The following CUBN variants were observed in gnomAD, a reference collection of about 807,000 sequenced individuals.
The protein encoded by CUBN is cubilin.
A neutral mutation model predicts 405.3 loss-of-function variants in CUBN; 282 were observed. The observed-to-expected ratio is 0.70, with a 90% CI of 0.63 to 0.77. CUBN has a LOEUF of 0.77. Among genes scored for constraint, CUBN ranks in the 30% least tolerant of loss-of-function variants. The pLI is 0.00. For synonymous variants in CUBN, 1,684 were observed against 1,617.0 expected (o/e 1.04, Z -0.99); for missense variants, 4,514 against 4,475.2 (o/e 1.01, Z -0.25).
Position 17,045,171 on chromosome 10 carries a change from T to C in CUBN, c.3508A>G (p.Thr1170Ala). 6.2e-7 allele frequency: 1 copy of C among 1,613,546 alleles called. No individual in the cohort carries two copies. ...GATATGAACGTGCCGCTTGAAGTGG[T>C]GAGATTACCCCCGCAACCTACAGGA... ...GSSTGCGGNL[T>A]TSSGTFISPN... Residue 1170 changes from threonine to alanine, a missense_variant, in exon 25 of 67, where the codon ACC becomes GCC. Coordinates refer to ENST00000377833, the MANE Select transcript of CUBN (RefSeq NM_001081.4).
intron 17 of CUBN, among the ~76,000 whole-genome samples, chr10:17,074,840 T>C (rs1196009986): frequency 3.9e-5 from 6 of 152,152 alleles, no homozygotes; most frequent in African/African-American, 1.4e-4. Flanking sequence ...TATTTTTAAA[T>C]ATAATGTGTC....
At chr10:17,046,273 A>T (rs2271689) in intron 23 of CUBN, among the ~76,000 whole-genome samples, 179 bp from the exon 24 acceptor site, 2 of 152,070 alleles carry the variant, frequency 1.3e-5, no homozygotes, top group East Asian at 3.8e-4. Flanking sequence ...TTTAAAAATC[A>T]TATTTGAATG....
Position 17,043,830 on chromosome 10 carries a change from G to A in CUBN, c.3826C>T (p.Gln1276Ter). The A allele has an allele frequency of 6.2e-7, 1 of 1,612,858 alleles. No homozygotes were observed. The highest frequency in any genetic ancestry group is 8.5e-7 in the Non-Finnish European group (1 of 1,179,242). Residue 1276 changes from glutamine to a stop codon, truncating the protein, a stop_gained, in exon 26 of 67, where the codon CAG (glutamine) becomes TAG (stop). Coordinates refer to ENST00000377833, the MANE Select transcript of CUBN (RefSeq NM_001081.4). LOFTEE classifies it high-confidence loss of function. ...CTCTGCCGGTATTCACACTTACTCT[G>A]CCGGTATTCAGCCTTGAAGCCACGT... ...QGRGFKAEYR[Q>*]TCENVVIVNQ...
intron 54 of CUBN, 135 bp from the exon 55 acceptor site, chr10:16,890,662 G>T: frequency 1.1e-6 from 1 of 884,468 alleles, no homozygotes; most frequent in Non-Finnish European, 1.9e-6. Flanking sequence ...GGACAAATCT[G>T]TAGTATTTTC....
chr10:17,103,094 T>C, intron 13 of CUBN, 31 bp downstream of exon 13: 1 of 1,131,464 alleles, frequency 8.8e-7, no homozygotes, highest in Non-Finnish European at 1.3e-6. Context: ...ACAAATATAA[T>C]ATGCATTTGG....
At chr10:16,892,286 G>A (rs1367470634) in intron 54 of CUBN, among the ~76,000 whole-genome samples, 1 of 152,010 alleles carries the variant, frequency 6.6e-6, no homozygotes, top group Non-Finnish European at 1.5e-5. Flanking sequence ...TGGACCTACT[G>A]AGAACAAAAG....
intron 22 of CUBN, among the ~76,000 whole-genome samples, chr10:17,053,535 C>T (rs1045587562): frequency 1.3e-5 from 2 of 151,770 alleles, no homozygotes; most frequent in African/African-American, 2.4e-5. Flanking sequence ...CATAATAATC[C>T]TAAATGTGCA....
At chr10:17,068,458 G>A in intron 20 of CUBN, 147 bp downstream of exon 20, 2 of 936,680 alleles carry the variant, frequency 2.1e-6, no homozygotes, top group Non-Finnish European at 3.2e-6. Context: ...TGATATAAAT[G>A]TTGATTAGAA....
At chr10:17,049,580 T>C (rs1381799976) in intron 22 of CUBN, among the ~76,000 whole-genome samples, 3 of 152,234 alleles carry the variant, frequency 2.0e-5, no homozygotes, top group Middle Eastern at 3.2e-3. Flanking sequence ...GGTGGGAGTC[T>C]GTTAATCTGT....
At chr10:17,095,655 G>T (rs1836357444) in intron 14 of CUBN, among the ~76,000 whole-genome samples, 1 of 151,918 alleles carries the variant, frequency 6.6e-6, no homozygotes, top group South Asian at 2.1e-4. Flanking sequence ...AAAGTATACT[G>T]GTACAGCCAT....
intron 59 of CUBN, among the ~76,000 whole-genome samples, chr10:16,869,009 G>A (rs1006212069): frequency 6.6e-6 from 1 of 151,944 alleles, no homozygotes; most frequent in Non-Finnish European, 1.5e-5. Flanking sequence ...AATGTATTCT[G>A]CCTTCCGTCT....
At chr10:16,941,677 C>A (rs1236781311) in intron 36 of CUBN, among the ~76,000 whole-genome samples, 2 of 145,842 alleles carry the variant, frequency 1.4e-5, no homozygotes, top group African/African-American at 5.5e-5. Context: ...AACCCCCTCT[C>A]TACAAAAAAT....
At chr10:16,925,120 T>C (rs1842144725) in intron 43 of CUBN, 121 bp downstream of exon 43, 2 of 726,028 alleles carry the variant, frequency 2.8e-6, no homozygotes, top group African/African-American at 1.8e-5. Flanking sequence ...ATATAATAAG[T>C]ACTTGAGAGT....
chr10:16,916,100 T>C, intron 45 of CUBN, 70 bp from the exon 46 acceptor site: 2 of 1,506,078 alleles, frequency 1.3e-6, no homozygotes, highest in South Asian at 1.2e-5. Context: ...CTATTACAAA[T>C]TTTGTTTTCT....
chr10:16,966,366 A>G (rs1843391231), intron 31 of CUBN, among the ~76,000 whole-genome samples: 1 of 152,128 alleles, frequency 6.6e-6, no homozygotes, highest in Admixed American at 6.5e-5. Flanking sequence ...TTCAGATATA[A>G]AGCTCCTCCT....
chr10:16,972,478 C>G (rs1441032272), intron 31 of CUBN, among the ~76,000 whole-genome samples: 1 of 150,626 alleles, frequency 6.6e-6, no homozygotes, highest in Non-Finnish European at 1.5e-5. Flanking sequence ...CATGCTGTCA[C>G]CCAGGCTGGA....
rs542430838 is a variant in CUBN, at chr10:17,016,609, G to C, written c.4168+3224C>G. Among the ~76,000 whole-genome samples, 4 of 152,276 alleles carry C rather than the reference G, an allele frequency of 2.6e-5. No homozygotes were observed. In the South Asian group the frequency reaches 8.3e-4, roughly 32 times the overall value. ...CTGCGTTGATCTGCTTTAAATCAGA[G>C]AGGGAGAAGGGGACATGTACCTGGG... is the stretch of plus-strand genomic sequence containing the variant. On this transcript the variant is annotated intron_variant, in intron 28 of 66. Coordinates refer to ENST00000377833, the MANE Select transcript of CUBN (RefSeq NM_001081.4).
chr10:16,840,335 G>A lies in CUBN; in HGVS notation c.10027C>T (p.Pro3343Ser), dbSNP rs750880101. ...TQNYLQLQDSPQGHGNSRFQF... is the reference protein window; with the variant it reads ...TQNYLQLQDSSQGHGNSRFQF... ...ATTCATCTTATAATTGTTACCTGCG[G>A]TGAGTCCTGAAGCTGTAAGTAATTC... The change falls in exon 62 of 67, where the codon CCG (proline) becomes TCG (serine). Residue 3343 changes from proline to serine, a missense_variant. Pro to Ser is a moderately conservative substitution (Grantham distance 74). This residue lies in a region of CUBN where 1,186 missense variants were observed against 1,186.9 expected (regional missense o/e 1.00). Transcript: ENST00000377833. 22 of 1,613,726 alleles carry A rather than the reference G, an allele frequency of 1.4e-5. No individual in the cohort carries two copies. The highest frequency in any genetic ancestry group is 1.6e-5 in the Non-Finnish European group (19 of 1,179,698).
Position 17,104,624 on chromosome 10 carries a change from C to A in CUBN, c.1231-19G>T, listed in dbSNP as rs766807759. 6.3e-7 allele frequency: 1 copy of A among 1,594,320 alleles called. No individual in the cohort carries two copies. The highest frequency in any genetic ancestry group is 1.1e-5 in the South Asian group (1 of 89,542). ...CAGTGTCCTAAGGGGAAAAAAAACA[C>A]ATAATACCATAAAACAAATGGATAG... On this transcript the variant is annotated intron_variant, in intron 11 of 66. Transcript: ENST00000377833.
Sources: allele counts gnomAD v4.1 joint callset (sites outside exome capture counted in the v4.1 genomes callset), GRCh38; gene constraint gnomAD v4.1.1; regional missense constraint gnomAD v4.1.1; transcripts MANE v1.5; gene names NCBI Gene and HGNC (gene_info 2026-07-23, HGNC 2026-07-21).